BRD4: variants seen among roughly 807,000 people sequenced by gnomAD.
BRD4 encodes bromodomain containing 4.
In BRD4, 16 loss-of-function variants were observed where a neutral mutation model predicts 142.1. The observed-to-expected ratio is 0.11, with a 90% CI of 0.08 to 0.17. The LOEUF (loss-of-function observed/expected upper bound fraction) is 0.17. Ranked by LOEUF, BRD4 falls within the 10% of genes least tolerant of loss-of-function variation. The pLI is 1.00. For missense variants in BRD4, 1,424 were observed against 1,810.9 expected (o/e 0.79, Z 3.88); for synonymous variants, 833 against 707.5 (o/e 1.18, Z -2.82).
intron 11 of BRD4, among the ~76,000 whole-genome samples, chr19:15,252,491 C>T (rs775844309): frequency 1.2e-4 from 19 of 152,200 alleles, no homozygotes; most frequent in Non-Finnish European, 2.2e-4. Flanking sequence ...GAAAAGTCAG[C>T]GGCCACCAGG....
intron 1 of BRD4, among the ~76,000 whole-genome samples, chr19:15,328,207 G>A (rs1256407677): frequency 6.6e-6 from 1 of 151,886 alleles, no homozygotes; most frequent in African/African-American, 2.4e-5. Flanking sequence ...AAGGGCTCAA[G>A]GACTAATTGT....
chr19:15,311,739 T>C (rs917993836), intron 1 of BRD4, among the ~76,000 whole-genome samples: 14 of 151,938 alleles, frequency 9.2e-5, no homozygotes, highest in African/African-American at 3.1e-4. Context: ...GAGGCAGACA[T>C]TGCAGTAAGC....
chr19:15,252,141 G>A (rs1473944834), intron 11 of BRD4, among the ~76,000 whole-genome samples: 1 of 152,148 alleles, frequency 6.6e-6, no homozygotes, highest in Non-Finnish European at 1.5e-5. Context: ...AGGAAACCAG[G>A]AGCATTCCCA....
At chr19:15,330,770 G>C (rs770881567) in intron 1 of BRD4, among the ~76,000 whole-genome samples, 2 of 152,154 alleles carry the variant, frequency 1.3e-5, no homozygotes, top group African/African-American at 2.4e-5. Flanking sequence ...CCATCTAAAA[G>C]TATATGTATA....
rs2047187111 is a variant in BRD4 at position 15,235,624 on chromosome 19, A to G, written c.*2753T>C. ...AAAAGTCTACGAATTCCCTTCTACA[A>G]ATGTCTAAAGTGTTTAATACAAGTC... On this transcript the variant is annotated 3_prime_UTR_variant, in exon 20 of 20. Coordinates refer to ENST00000679869, the MANE Select transcript of BRD4 (RefSeq NM_001379291.1). 1.3e-5 allele frequency: 2 copies of G among 152,166 alleles called. 1 individual carries two copies. The highest frequency in any genetic ancestry group is 2.9e-5 in the Non-Finnish European group (2 of 68,042). The allele number at this position is 152,166 out of a possible 1,614,324, so 9.4% of individuals were successfully genotyped here. A position where few individuals can be genotyped will look rare whatever the true frequency, so the allele number is the denominator to read the frequency against.
chr19:15,292,893 G>A (rs2047794961), intron 1 of BRD4, among the ~76,000 whole-genome samples: 1 of 151,012 alleles, frequency 6.6e-6, no homozygotes, highest in African/African-American at 2.4e-5. Context: ...TTTCGGATGT[G>A]AAAGGATTGC....
At chr19:15,318,847 C>T (rs1349141209) in intron 1 of BRD4, among the ~76,000 whole-genome samples, 1 of 152,186 alleles carries the variant, frequency 6.6e-6, no homozygotes, top group Non-Finnish European at 1.5e-5. Context: ...TTCTCAAATT[C>T]CTTATCCCCA....
At chr19:15,309,192 G>C (rs963374930) in intron 1 of BRD4, among the ~76,000 whole-genome samples, 6 of 151,844 alleles carry the variant, frequency 4.0e-5, no homozygotes, top group African/African-American at 1.5e-4. Flanking sequence ...AATTAGCCAG[G>C]CGTGGTGGTG....
At chr19:15,267,584 G>A (rs201302971) in intron 3 of BRD4, 33 bp from the exon 4 acceptor site, 14 of 1,605,974 alleles carry the variant, frequency 8.7e-6, no homozygotes, top group East Asian at 4.5e-5. Context: ...AGAGTCAGAG[G>A]GCCCTCCCCT....
intron 1 of BRD4, among the ~76,000 whole-genome samples, chr19:15,286,125 C>T (rs1187859124): frequency 1.3e-5 from 2 of 152,338 alleles, no homozygotes; most frequent in South Asian, 2.1e-4. Flanking sequence ...CGCCTCTGTC[C>T]TATGGACCTA....
intron 2 of BRD4, among the ~76,000 whole-genome samples, chr19:15,269,518 C>A (rs1289941638): frequency 6.6e-6 from 1 of 152,142 alleles, no homozygotes; most frequent in African/African-American, 2.4e-5. Flanking sequence ...TAACCCTTGA[C>A]CCTGGCACTC....
chr19:15,253,515 G>C (rs767471482), intron 11 of BRD4: 1 of 1,506,320 alleles, frequency 6.6e-7, no homozygotes, highest in Admixed American at 2.0e-5. Context: ...AGAACTGCAG[G>C]AGGGACACGC....
At chr19:15,263,237 A>C (rs1032362730) in intron 7 of BRD4, among the ~76,000 whole-genome samples, 183 bp downstream of exon 7, 1 of 152,224 alleles carries the variant, frequency 6.6e-6, no homozygotes, top group Non-Finnish European at 1.5e-5. Context: ...ACTCTGCTTT[A>C]ATTGAATAAC....
chr19:15,277,607 C>A (rs1360853658), intron 1 of BRD4, among the ~76,000 whole-genome samples: 1 of 142,550 alleles, frequency 7.0e-6, no homozygotes, highest in Non-Finnish European at 1.5e-5. Flanking sequence ...CACAGTGCAA[C>A]CCTATCTCTA....
At chr19:15,279,773 A>G (rs1419105758) in intron 1 of BRD4, among the ~76,000 whole-genome samples, 1 of 152,264 alleles carries the variant, frequency 6.6e-6, no homozygotes, top group Admixed American at 6.5e-5. Context: ...GAGAAAACCA[A>G]TGGGTTGGGA....
At chr19:15,282,115 G>A (rs928124619) in intron 1 of BRD4, among the ~76,000 whole-genome samples, 1 of 152,226 alleles carries the variant, frequency 6.6e-6, no homozygotes, top group Non-Finnish European at 1.5e-5. Context: ...GGGCCAGAGA[G>A]CAAATATTGT....
At chr19:15,246,307 G>T (rs1599437220) in intron 11 of BRD4, among the ~76,000 whole-genome samples, 1 of 152,250 alleles carries the variant, frequency 6.6e-6, no homozygotes, top group South Asian at 2.1e-4. Context: ...GGCTGCAGAG[G>T]TTGGCAGCCA....
In BRD4 at chr19:15,237,333, G is replaced by C. The variant is rs1186479692; in HGVS notation, c.*1044C>G. 1 of 209,756 alleles carries C rather than the reference G, an allele frequency of 4.8e-6. No homozygotes were observed. Among genetic ancestry groups the C allele is most frequent in the Non-Finnish European group, 9.6e-6 (1 of 104,636 alleles). The allele number at this position is 209,756 out of a possible 1,614,324, so 13.0% of individuals were successfully genotyped here. A position where few individuals can be genotyped will look rare whatever the true frequency, so the allele number is the denominator to read the frequency against. ...ATAGACTAATAAAGTTTGAAACTGA[G>C]TAAAATATAGGCAGGATTTTTTTTG... On this transcript the variant is annotated 3_prime_UTR_variant, in exon 20 of 20. Transcript: ENST00000679869.
intron 1 of BRD4, among the ~76,000 whole-genome samples, chr19:15,315,078 A>G (rs541361521): frequency 2.0e-5 from 3 of 152,038 alleles, no homozygotes; most frequent in Non-Finnish European, 4.4e-5. Context: ...TTGATTGTGT[A>G]CTTTTCAACT....
Sources: gnomAD v4.1 joint callset for allele counts (sites outside exome capture counted in the v4.1 genomes callset) on GRCh38, gnomAD v4.1.1 for gene constraint, MANE v1.5 for transcripts, NCBI Gene and HGNC (gene_info 2026-07-23, HGNC 2026-07-21) for gene names.